The following MID1 variants were observed in gnomAD, a reference collection of about 807,000 sequenced individuals.
MID1 encodes the protein midline 1, also known as E3 ubiquitin-protein ligase Midline-1.
Under a neutral mutation model 40.4 loss-of-function variants are expected in MID1, and 7 were observed. The observed-to-expected ratio is 0.17, with a 90% CI of 0.10 to 0.33. The LOEUF is 0.33. Among genes scored for constraint, MID1 ranks in the 10% least tolerant of loss-of-function variants. The pLI, the probability that MID1 is intolerant of heterozygous loss-of-function variation, is 1.00. For synonymous variants in MID1, 229 were observed against 221.2 expected (o/e 1.04, Z -0.31); for missense variants, 367 against 558.5 (o/e 0.66, Z 3.46).
chrX:10,533,107 G>T (rs1933042400), intron 2 of MID1, among the ~76,000 whole-genome samples: 1 of 109,445 alleles, frequency 9.1e-6, no homozygotes, highest in Non-Finnish European at 1.9e-5. Flanking sequence ...TTTTTAAAAT[G>T]AAAAGAATAA....
chrX:10,816,391 T>C (rs988725915), intron 1 of MID1, among the ~76,000 whole-genome samples: 1 of 112,373 alleles, frequency 8.9e-6, no homozygotes, highest in African/African-American at 3.2e-5. Context: ...TAAAATTCTT[T>C]ATCAAACTGT....
chrX:10,711,819 G>A (rs2043269847), intron 1 of MID1, among the ~76,000 whole-genome samples: 2 of 112,203 alleles, frequency 1.8e-5, no homozygotes, highest in Admixed American at 1.9e-4. Flanking sequence ...ATGATTTAAT[G>A]CAGTGGGTCT....
intron 4 of MID1, among the ~76,000 whole-genome samples, chrX:10,484,967 C>T (rs951456635): frequency 1.9e-5 from 2 of 107,632 alleles, no homozygotes; most frequent in Non-Finnish European, 3.8e-5. Context: ...TTTCTTACTG[C>T]GGGTTACAGT....
chrX:10,627,443 T>C (rs1482711535), intron 1 of MID1, among the ~76,000 whole-genome samples: 1 of 112,372 alleles, frequency 8.9e-6, no homozygotes, highest in East Asian at 2.8e-4. Context: ...TTGGACATTC[T>C]TTTAGATCTC....
At chrX:10,647,246 CTA>C (rs1357241764) in intron 1 of MID1, among the ~76,000 whole-genome samples, 3 of 111,816 alleles carry the variant, frequency 2.7e-5, no homozygotes, top group Non-Finnish European at 3.8e-5. Flanking sequence ...GAAATCAGAT[CTA>C]TGTCTTCCAG....
chrX:10,805,200 C>T (rs1410844555), intron 1 of MID1, among the ~76,000 whole-genome samples: 27 of 108,522 alleles, frequency 2.5e-4, no homozygotes, highest in Admixed American at 2.1e-3. Context: ...AGGTATATCT[C>T]CTAATGCTAT....
intron 1 of MID1, among the ~76,000 whole-genome samples, chrX:10,732,386 T>C (rs1392999306): frequency 1.8e-5 from 2 of 112,502 alleles, no homozygotes; most frequent in East Asian, 2.8e-4. Context: ...TGTATTTCTA[T>C]ATTATTGTAG....
intron 2 of MID1, among the ~76,000 whole-genome samples, chrX:10,529,884 G>A (rs1412633661): frequency 2.7e-5 from 3 of 111,966 alleles, no homozygotes; most frequent in Non-Finnish European, 3.8e-5. Context: ...AATATTCACC[G>A]GACAACCCTT....
At chrX:10,578,670 T>A (rs1056572611) in intron 1 of MID1, among the ~76,000 whole-genome samples, 3 of 112,242 alleles carry the variant, frequency 2.7e-5, no homozygotes, top group African/African-American at 9.7e-5. Context: ...GTACTGGGTA[T>A]CATGCAAGAA....
intron 5 of MID1, among the ~76,000 whole-genome samples, chrX:10,481,736 G>A (rs778815609): frequency 6.6e-4 from 74 of 112,328 alleles, no homozygotes; most frequent in African/African-American, 1.7e-3. Flanking sequence ...GTGAGCCACC[G>A]TGCCCGGCTA....
chrX:10,803,499 T>C (rs1029655285), intron 1 of MID1, among the ~76,000 whole-genome samples: 3 of 109,588 alleles, frequency 2.7e-5, no homozygotes, highest in Non-Finnish European at 5.7e-5. Flanking sequence ...ATTTCCGGCA[T>C]GCACCACCAC....
intron 1 of MID1, among the ~76,000 whole-genome samples, chrX:10,607,433 C>T (rs965110758): frequency 1.8e-5 from 2 of 111,994 alleles, no homozygotes; most frequent in African/African-American, 6.5e-5. Context: ...GTGCACAGGA[C>T]AGCCCCACAA....
Position 10,553,271 on chromosome X carries a change from A to AAAAAT in MID1, c.660+13616_660+13617insATTTT, listed in dbSNP as rs1218355747. Among the ~76,000 whole-genome samples the AAAAAT allele has an allele frequency of 3.7e-5, 4 of 107,280 alleles. No individual in the cohort carries two copies. In the Admixed American group the frequency reaches 4.0e-4, roughly 11 times the overall value. 93.2% of individuals were successfully genotyped at this position (107,280 alleles called of 115,157 possible). A position where few individuals can be genotyped will look rare whatever the true frequency, so the allele number is the denominator to read the frequency against. On this transcript the variant is annotated intron_variant, in intron 2 of 9. Transcript: ENST00000317552. Reference sequence around the variant, plus strand: ...TAAAAAAAAAAAAAGAAATAAAAAAAATATATATATATATGTATACACACA... The same window carrying AAAAAT: ...TAAAAAAAAAAAAAGAAATAAAAAAAAAAATATATATATATATATGTATACACACA...
At chrX:10,643,858 A>T (rs1294086215) in intron 1 of MID1, among the ~76,000 whole-genome samples, 1 of 111,768 alleles carries the variant, frequency 8.9e-6, no homozygotes, top group African/African-American at 3.3e-5. Context: ...CTTTGTAGGG[A>T]CAAGGATGAA....
chrX:10,687,156 C>T (rs191910800), intron 1 of MID1, among the ~76,000 whole-genome samples: 1 of 111,854 alleles, frequency 8.9e-6, no homozygotes, highest in African/African-American at 3.3e-5. Flanking sequence ...TGACCTCCTT[C>T]AGAGGTAGGA....
At chrX:10,520,549 C>A (rs764618569) in intron 3 of MID1, among the ~76,000 whole-genome samples, 1 of 111,987 alleles carries the variant, frequency 8.9e-6, no homozygotes, top group Non-Finnish European at 1.9e-5. Flanking sequence ...ATAATTACTG[C>A]GTAGACGATC....
intron 1 of MID1, among the ~76,000 whole-genome samples, chrX:10,789,810 C>T (rs1169759204): frequency 8.9e-6 from 1 of 111,741 alleles, no homozygotes; most frequent in Non-Finnish European, 1.9e-5. Flanking sequence ...TTCTGCCCCA[C>T]CCTTGACTGA....
chrX:10,591,990 C>T (rs1022009560), intron 1 of MID1, among the ~76,000 whole-genome samples: 2 of 110,538 alleles, frequency 1.8e-5, no homozygotes, highest in African/African-American at 3.3e-5. Context: ...TGGTAATGAT[C>T]GAGCGTCTTT....
chrX:10,785,797 G>A (rs1452584398), intron 1 of MID1, among the ~76,000 whole-genome samples: 18 of 111,334 alleles, frequency 1.6e-4, no homozygotes, highest in South Asian at 7.5e-4. Context: ...CCTTCCTTAC[G>A]CCTTATACAA....
Sources: allele counts gnomAD v4.1 joint callset (sites outside exome capture counted in the v4.1 genomes callset), GRCh38; gene constraint gnomAD v4.1.1; transcripts MANE v1.5; gene names NCBI Gene and HGNC (gene_info 2026-07-23, HGNC 2026-07-21).